Variants in CEP350 observed in about 807,000 individuals in gnomAD.
The protein encoded by CEP350 is centrosomal protein 350, also known as centrosome-associated protein 350.
CEP350 carries 126 observed loss-of-function variants against 331.8 expected under a neutral mutation model. The observed-to-expected ratio is 0.38, with a 90% confidence interval of 0.33 to 0.44. The LOEUF (loss-of-function observed/expected upper bound fraction) is 0.44. CEP350 is among the 20% of genes least tolerant of loss of function. The pLI, the probability that CEP350 is intolerant of heterozygous loss-of-function variation, is 1.00. For synonymous variants in CEP350, 1,200 were observed against 1,259.5 expected, an observed-to-expected ratio of 0.95 and a Z score of 1.00; for missense variants, 3,406 against 3,634.6, an observed-to-expected ratio of 0.94 and a Z score of 1.62.
In CEP350 at chr1:180,063,216, G is replaced by A. The variant is rs1158495401; in HGVS notation, c.5409+850G>A. Among the ~76,000 whole-genome samples, 6 of 121,280 alleles carry A rather than the reference G, an allele frequency of 4.9e-5. No individual in the cohort carries two copies. The Admixed American group carries it at 6.4e-4, about 13-fold the overall frequency. The allele number at this position is 121,280 out of a possible 152,430, so 79.6% of individuals were successfully genotyped here. ...TTTTTTTTTTTTTTTTTGGAGACACGGTCTCACTCTGTCACCTGGACTGGA... is the reference window on the plus strand; with the variant it reads ...TTTTTTTTTTTTTTTTTGGAGACACAGTCTCACTCTGTCACCTGGACTGGA... On this transcript the variant is annotated intron_variant, in intron 26 of 37. Transcript: ENST00000367607.
rs1657274937 is a variant in CEP350, at chr1:180,048,519, C to A, written c.4623-17C>A. On this transcript the variant is annotated splice_polypyrimidine_tract_variant and intron_variant, in intron 21 of 37. Transcript: ENST00000367607. Reference sequence around the variant, plus strand: ...TTGTTAATTTTGTTGTTGTTGTTTCCATGTATCCATAAAAAGAAGTAGCAG... The same window carrying A: ...TTGTTAATTTTGTTGTTGTTGTTTCAATGTATCCATAAAAAGAAGTAGCAG... 7 of 1,558,776 alleles carry A rather than the reference C, an allele frequency of 4.5e-6. No individual in the cohort carries two copies. In the African/African-American group the frequency reaches 5.5e-5, roughly 12 times the overall value.
chr1:180,078,683 A>G lies in CEP350; in HGVS notation c.5979+9A>G, dbSNP rs562872107. The G allele has an allele frequency of 3.6e-5, 56 of 1,576,446 alleles. No individual in the cohort carries two copies. Among genetic ancestry groups the G allele is most frequent in the Non-Finnish European group, 4.7e-5 (55 of 1,160,458 alleles). ...CCTCTCCTAGTAAACATGTAAGTTA[A>G]TGTATATTTATATCTTAAAGATTCT... On this transcript the variant is annotated intron_variant, in intron 29 of 37. Transcript: ENST00000367607.
At chr1:180,071,320 G>A (rs1010514735) in intron 27 of CEP350, among the ~76,000 whole-genome samples, 4 of 144,872 alleles carry the variant, frequency 2.8e-5, no homozygotes, top group South Asian at 2.2e-4. Flanking sequence ...TTAGCCGGGC[G>A]TGGTGATGCG....
intron 22 of CEP350, among the ~76,000 whole-genome samples, chr1:180,049,890 C>G (rs74330100): frequency 0.12 from 18,204 of 152,204 alleles, 1,173 homozygotes; most frequent in South Asian, 0.16. Flanking sequence ...CATGAAATAA[C>G]TATTTTTAAG....
chr1:179,970,940 G>A (rs772192322), intron 1 of CEP350, among the ~76,000 whole-genome samples: 1 of 151,902 alleles, frequency 6.6e-6, no homozygotes, highest in Non-Finnish European at 1.5e-5. Flanking sequence ...GATGTTTACT[G>A]TATTTGAAAT....
At chr1:180,062,181 TC>T (rs1247873581) in intron 25 of CEP350, 38 bp from the exon 26 acceptor site, 7 of 1,500,900 alleles carry the variant, frequency 4.7e-6, no homozygotes, top group Non-Finnish European at 6.2e-6. Flanking sequence ...CCTTGTCTTC[TC>T]CCAATCTTAA....
intron 25 of CEP350, among the ~76,000 whole-genome samples, chr1:180,061,138 ATAAC>A (rs1658204780): frequency 1.3e-5 from 2 of 152,340 alleles, no homozygotes; most frequent in Admixed American, 1.3e-4. Context: ...TAAAATAATT[ATAAC>A]TAACAAATTT....
chr1:179,957,591 G>T (rs1465855141), intron 1 of CEP350, among the ~76,000 whole-genome samples: 1 of 152,128 alleles, frequency 6.6e-6, no homozygotes, highest in East Asian at 1.9e-4. Flanking sequence ...TGAAGAAATT[G>T]ACTAAAGAAT....
At chr1:180,098,807 A>G in intron 36 of CEP350, 56 bp from the exon 37 acceptor site, 1 of 1,535,062 alleles carries the variant, frequency 6.5e-7, no homozygotes, top group East Asian at 2.3e-5. Flanking sequence ...TTGTAAACAC[A>G]TGAAACTCAG....
chr1:180,025,355 T>G (rs1655601833), intron 14 of CEP350, among the ~76,000 whole-genome samples: 1 of 152,162 alleles, frequency 6.6e-6, no homozygotes, highest in South Asian at 2.1e-4. Context: ...ATTTTTAAGC[T>G]TATATGAAAT....
rs969486034 is a variant in CEP350, at chr1:180,054,604, G to C, written c.5262+102G>C. On this transcript the variant is annotated intron_variant, in intron 25 of 37. Coordinates refer to ENST00000367607, the MANE Select transcript of CEP350 (RefSeq NM_014810.5). ...TCTTTTCCTTATCATTGCCTTAAAT[G>C]AGATTTAGTTGATACTTCCACTGTT... 5.0e-6 allele frequency: 4 copies of C among 805,766 alleles called. No homozygotes were observed. The African/African-American group carries it at 6.9e-5, about 14-fold the overall frequency. The allele number at this position is 805,766 out of a possible 1,614,324, so 49.9% of individuals were successfully genotyped here.
intron 33 of CEP350, among the ~76,000 whole-genome samples, chr1:180,091,151 TCACAGG>T (rs1259529647): frequency 1.3e-5 from 2 of 151,460 alleles, no homozygotes; most frequent in Non-Finnish European, 2.9e-5. Context: ...AGGACCAGGA[TCACAGG>T]CACATGCCAC....
At position 180,015,893 on chromosome 1, in the gene CEP350, C is replaced by CA; in HGVS notation, c.2100dup (p.Val701SerfsTer12). 1 of 1,613,892 alleles carries CA rather than the reference C, an allele frequency of 6.2e-7. No individual in the cohort carries two copies. Among genetic ancestry groups the CA allele is most frequent in the Non-Finnish European group, 8.5e-7 (1 of 1,179,848 alleles). ...CATCTGGAGAATCTGACAAAGAAAA[C>CA]AAAGTACAGGAACGTCCCCCAAGTG... On this transcript the variant is annotated frameshift_variant, in exon 11 of 38. Transcript: ENST00000367607. LOFTEE classifies it high-confidence loss of function.
intron 10 of CEP350, among the ~76,000 whole-genome samples, chr1:180,015,296 C>T (rs969626816): frequency 6.6e-6 from 1 of 151,932 alleles, no homozygotes; most frequent in Non-Finnish European, 1.5e-5. Flanking sequence ...TGCAGTGGCG[C>T]GATCTCGGCT....
rs1200282395 is a variant in CEP350 at position 180,094,112 on chromosome 1, C to T, written c.8007C>T (p.Leu2669=). The change falls in exon 34 of 38, where the codon CTC becomes CTT. Residue 2669 remains leucine, a synonymous_variant. Coordinates refer to ENST00000367607, the MANE Select transcript of CEP350 (RefSeq NM_014810.5). ...TTTCTTCAAAGGAAAACAAAGACCT[C>T]ATTTCTGATGCCACAGAAAAGGTTT... ...SQISSKENKD[L]ISDATEKVSI... is the part of the protein sequence containing the mutation. The T allele has an allele frequency of 1.2e-6, 2 of 1,613,866 alleles. No individual in the cohort carries two copies. Among genetic ancestry groups the T allele is most frequent in the South Asian group, 2.2e-5 (2 of 91,056 alleles).
chr1:180,048,934 G>T (rs1372567906), intron 22 of CEP350, among the ~76,000 whole-genome samples: 1 of 152,144 alleles, frequency 6.6e-6, no homozygotes, highest in African/African-American at 2.4e-5. Flanking sequence ...GCCAGGCTTG[G>T]TGGCACAGCC....
At chr1:180,097,320 T>A (rs986336652) in intron 36 of CEP350, among the ~76,000 whole-genome samples, 1 of 152,234 alleles carries the variant, frequency 6.6e-6, no homozygotes, top group Non-Finnish European at 1.5e-5. Context: ...ATATTTACAG[T>A]CTGATTTTTT....
chr1:180,017,692 C>A (rs774981741), intron 11 of CEP350, among the ~76,000 whole-genome samples: 1 of 152,136 alleles, frequency 6.6e-6, no homozygotes, highest in Admixed American at 6.6e-5. Context: ...CCCCCATTCC[C>A]GTTAATAGTT....
chr1:180,058,204 C>T (rs550073844), intron 25 of CEP350, among the ~76,000 whole-genome samples: 1 of 152,254 alleles, frequency 6.6e-6, no homozygotes, highest in Admixed American at 6.5e-5. Context: ...TGAAATAAAA[C>T]ATATTCTTGC....
Sources: gnomAD v4.1 joint callset for allele counts (sites outside exome capture counted in the v4.1 genomes callset) on GRCh38, gnomAD v4.1.1 for gene constraint, MANE v1.5 for transcripts, NCBI Gene and HGNC (gene_info 2026-07-23, HGNC 2026-07-21) for gene names.